ZBTB46: variants seen among roughly 807,000 people sequenced by gnomAD.
ZBTB46 encodes the protein zinc finger and BTB domain containing 46, also known as zinc finger and BTB domain-containing protein 46.
ZBTB46 carries 8 observed loss-of-function variants against 44.1 expected under a neutral mutation model. The ratio of observed to expected loss-of-function variants is 0.18; its 90% CI spans 0.11 to 0.33. ZBTB46 has a LOEUF of 0.33. Ranked by LOEUF, ZBTB46 falls within the 10% of genes least tolerant of loss-of-function variation. The pLI is 1.00. For synonymous variants in ZBTB46, 409 were observed against 382.3 expected (o/e 1.07, Z -0.81); for missense variants, 651 against 847.7 (o/e 0.77, Z 2.88).
intron 4 of ZBTB46, among the ~76,000 whole-genome samples, chr20:63,749,611 C>T (rs1300630421): frequency 2.6e-5 from 4 of 152,258 alleles, no homozygotes; most frequent in Non-Finnish European, 5.9e-5. Context: ...GCTGGGATTA[C>T]AGGCGTCAGC....
rs962506084 is a variant in ZBTB46, at chr20:63,773,688, G to A, written c.1222+1990C>T. Among the ~76,000 whole-genome samples the A allele has an allele frequency of 2.0e-5, 3 of 151,844 alleles. No homozygotes were observed. The East Asian group carries it at 5.9e-4, about 30-fold the overall frequency. ...GCACCCAAGCTGCTCATGTGAAAAG[G>A]CGGTCGGAGGGGAGGGTAGTGAGGG... On this transcript the variant is annotated intron_variant, in intron 3 of 4. Coordinates refer to ENST00000245663, the MANE Select transcript of ZBTB46 (RefSeq NM_001369741.1).
At chr20:63,820,097 CTT>C (rs199787013) in intron 1 of ZBTB46, among the ~76,000 whole-genome samples, 1 of 149,574 alleles carries the variant, frequency 6.7e-6, no homozygotes, top group African/African-American at 2.5e-5. Context: ...AACAGGCACA[CTT>C]TTTTTTTTGT....
At chr20:63,832,051 C>T (rs1005407486), upstream of ZBTB46, among the ~76,000 whole-genome samples, 4 of 151,782 alleles carry the variant, frequency 2.6e-5, no homozygotes, top group Non-Finnish European at 5.9e-5. This position sits in a 1 kb window ranked among gnomAD's most constrained non-coding sequence, Gnocchi z 5.0. Context: ...GGGGCACCGG[C>T]GGCCGCGCGT....
rs2092076255 is a variant in ZBTB46 at position 63,745,175 on chromosome 20, T to G, written c.*1755A>C. ...GGTAAGAGTGGGCAGGGCTCACCGC[T>G]GAGGGGCCAGCGCTTGGCCCGGCTC... On this transcript the variant is annotated 3_prime_UTR_variant, in exon 5 of 5. Coordinates refer to ENST00000245663, the MANE Select transcript of ZBTB46 (RefSeq NM_001369741.1). The G allele has an allele frequency of 6.6e-6, 1 of 152,206 alleles. No individual in the cohort carries two copies. The highest frequency in any genetic ancestry group is 1.5e-5 in the Non-Finnish European group (1 of 68,030). 9.4% of individuals were successfully genotyped at this position (152,206 alleles called of 1,614,324 possible). A position where few individuals can be genotyped will look rare whatever the true frequency, so the allele number is the denominator to read the frequency against.
chr20:63,776,035 T>G, intron 2 of ZBTB46, 73 bp from the exon 3 acceptor site: 1 of 1,476,442 alleles, frequency 6.8e-7, no homozygotes, highest in Non-Finnish European at 8.9e-7. Flanking sequence ...GGCGACACAT[T>G]TAGAAGGACA....
chr20:63,761,392 T>C (rs556215937), intron 3 of ZBTB46, among the ~76,000 whole-genome samples: 1 of 152,334 alleles, frequency 6.6e-6, no homozygotes. Context: ...ACCTTTCTTC[T>C]GTCCTAATAT....
At chr20:63,765,279 C>T (rs949266575) in intron 3 of ZBTB46, among the ~76,000 whole-genome samples, 5 of 152,180 alleles carry the variant, frequency 3.3e-5, no homozygotes, top group African/African-American at 4.8e-5. Flanking sequence ...CACTGCCGTC[C>T]GCTCAGGGTC....
At chr20:63,766,716 C>A (rs1166759528) in intron 3 of ZBTB46, among the ~76,000 whole-genome samples, 1 of 152,164 alleles carries the variant, frequency 6.6e-6, no homozygotes, top group Non-Finnish European at 1.5e-5. Context: ...ACTAGAAATC[C>A]CACTTTTCTC....
intron 3 of ZBTB46, among the ~76,000 whole-genome samples, chr20:63,773,089 G>C (rs1487490607): frequency 6.6e-6 from 1 of 152,156 alleles, no homozygotes; most frequent in Non-Finnish European, 1.5e-5. Context: ...GACATCTTCT[G>C]CCAAGCCGTG....
chr20:63,826,831 C>T (rs2092822141), intron 1 of ZBTB46, among the ~76,000 whole-genome samples: 1 of 152,202 alleles, frequency 6.6e-6, no homozygotes, highest in Non-Finnish European at 1.5e-5. Context: ...ACGTGAAACT[C>T]AACTGCTCCT....
At chr20:63,827,465 G>A (rs975387477) in intron 1 of ZBTB46, among the ~76,000 whole-genome samples, 7 of 151,780 alleles carry the variant, frequency 4.6e-5, no homozygotes, top group South Asian at 2.1e-4. Flanking sequence ...AAAATTAGCC[G>A]GGCGCGGTGG....
intron 1 of ZBTB46, among the ~76,000 whole-genome samples, chr20:63,798,842 T>TA (rs576160058): frequency 0.02 from 2,395 of 117,768 alleles, 44 homozygotes; most frequent in African/African-American, 0.062. Context: ...AGACTCTGTC[T>TA]AAAAAAAAAA....
intron 2 of ZBTB46, among the ~76,000 whole-genome samples, chr20:63,776,524 C>A (rs2092427023): frequency 6.6e-6 from 1 of 152,218 alleles, no homozygotes; most frequent in African/African-American, 2.4e-5. Flanking sequence ...GAAAGTGACG[C>A]CGGGTGCGGT....
At chr20:63,800,471 G>C (rs71325468) in intron 1 of ZBTB46, among the ~76,000 whole-genome samples, 2,780 of 152,350 alleles carry the variant, frequency 0.018, 45 homozygotes, top group East Asian at 0.079. Flanking sequence ...TGCACTTGAG[G>C]AGCCCTTCAG....
intron 2 of ZBTB46, among the ~76,000 whole-genome samples, chr20:63,781,305 G>A (rs6011109): frequency 0.92 from 139,377 of 152,190 alleles, 63,937 homozygotes; most frequent in East Asian, 0.99. Context: ...ACTTCCCCAA[G>A]GAAGAGACCC....
chr20:63,767,079 G>A lies in ZBTB46; in HGVS notation c.1222+8599C>T, dbSNP rs1461972157. Among the ~76,000 whole-genome samples the A allele has an allele frequency of 6.6e-6, 1 of 152,234 alleles. No individual in the cohort carries two copies. Among genetic ancestry groups the A allele is most frequent in the African/African-American group, 2.4e-5 (1 of 41,460 alleles). On this transcript the variant is annotated intron_variant, in intron 3 of 4. Transcript: ENST00000245663. This position sits in a 1 kb window ranked among gnomAD's most constrained non-coding sequence, Gnocchi z 5.0. ...ACACGTCCGACGAGGACGGGCAAGG[G>A]CACCGCGGGGCGCTCTTTCTGAAAA...
chr20:63,752,761 C>G lies in ZBTB46; in HGVS notation c.1323G>C (p.Thr441=), dbSNP rs527431978. 1 of 1,612,596 alleles carries G rather than the reference C, an allele frequency of 6.2e-7. No individual in the cohort carries two copies. The highest frequency in any genetic ancestry group is 1.3e-5 in the African/African-American group (1 of 74,912). ...TCTCGCAGGGGTAGGGCCGCTCTCC[C>G]GTGTGCGAGCGCATGTGTCGCTTGA... is the stretch of plus-strand genomic sequence containing the variant. ...CILKRHMRSH[T]GERPYPCEIC... is the part of the protein sequence containing the mutation. The change falls in exon 4 of 5, where the codon ACG becomes ACC. Residue 441 remains threonine (T), a synonymous_variant. Transcript: ENST00000245663. The surrounding 1 kb of genome is among the most constrained non-coding windows in gnomAD (Gnocchi z 5.6).
chr20:63,776,059 G>A (rs1236054866), intron 2 of ZBTB46, 97 bp from the exon 3 acceptor site: 25 of 1,415,010 alleles, frequency 1.8e-5, no homozygotes, highest in Non-Finnish European at 2.2e-5. Flanking sequence ...ACCAGCTTCT[G>A]CCTGAGCTAC....
chr20:63,816,160 A>G (rs2092756584), intron 1 of ZBTB46, among the ~76,000 whole-genome samples: 1 of 150,126 alleles, frequency 6.7e-6, no homozygotes, highest in South Asian at 2.1e-4. Context: ...CAGTGGGTGC[A>G]GGTGCGGTGG....
Sources: gnomAD v4.1 joint callset for allele counts (sites outside exome capture counted in the v4.1 genomes callset) on GRCh38, gnomAD v4.1.1 for gene constraint, Gnocchi (gnomAD v3.1) non-coding constraint, MANE v1.5 for transcripts, NCBI Gene and HGNC (gene_info 2026-07-23, HGNC 2026-07-21) for gene names.